STPG2: variants seen among roughly 807,000 people sequenced by gnomAD.
The protein encoded by STPG2 is sperm tail PG-rich repeat containing 2.
A neutral mutation model predicts 54.2 loss-of-function variants in STPG2; 56 were observed. That is an observed-to-expected ratio of 1.03 (90% CI 0.83 to 1.29). The LOEUF (loss-of-function observed/expected upper bound fraction) is 1.29. STPG2 is among the 50% of genes most tolerant of loss of function. STPG2 has a pLI of 0.00. For missense variants in STPG2, 596 were observed against 544.9 expected (o/e 1.09, Z -0.93); for synonymous variants, 200 against 181.8 (o/e 1.10, Z -0.81).
At chr4:97,722,949 C>T (rs1305723375) in intron 9 of STPG2, among the ~76,000 whole-genome samples, 1 of 150,118 alleles carries the variant, frequency 6.7e-6, no homozygotes, top group Non-Finnish European at 1.5e-5. Flanking sequence ...AGGTGCCCAC[C>T]ACCACACCCG....
At chr4:97,958,949 T>G (rs1385453838) in intron 7 of STPG2, among the ~76,000 whole-genome samples, 1 of 152,178 alleles carries the variant, frequency 6.6e-6, no homozygotes, top group Non-Finnish European at 1.5e-5. Flanking sequence ...TGCAATGTTC[T>G]CCAAGATAGA....
chr4:97,517,524 C>A (rs1578357313), intron 4 of STPG2, among the ~76,000 whole-genome samples: 2 of 151,996 alleles, frequency 1.3e-5, no homozygotes, highest in East Asian at 3.9e-4. Flanking sequence ...GAGAATAATA[C>A]CAGTACGTTT....
chr4:97,682,936 CTA>C (rs1723076871), intron 10 of STPG2, among the ~76,000 whole-genome samples: 1 of 151,778 alleles, frequency 6.6e-6, no homozygotes, highest in South Asian at 2.1e-4. Flanking sequence ...AAACTGGAGA[CTA>C]TATGATTCAC....
intron 10 of STPG2, among the ~76,000 whole-genome samples, chr4:97,703,258 A>G (rs1282330098): frequency 2.0e-5 from 3 of 151,626 alleles, no homozygotes; most frequent in African/African-American, 7.3e-5. Flanking sequence ...GGATCTAATC[A>G]TATTAAGCAG....
intron 4 of STPG2, among the ~76,000 whole-genome samples, chr4:97,448,427 A>G (rs1729281976): frequency 6.6e-6 from 1 of 152,094 alleles, no homozygotes; most frequent in Non-Finnish European, 1.5e-5. Context: ...TAATCCCCAC[A>G]TGTCAAAGGA....
At chr4:97,920,219 A>C (rs532302886) in intron 8 of STPG2, among the ~76,000 whole-genome samples, 1 of 152,216 alleles carries the variant, frequency 6.6e-6, no homozygotes, top group African/African-American at 2.4e-5. Flanking sequence ...TCCAGAACTC[A>C]TAAGTCCAGC....
At chr4:97,738,174 T>C (rs36147305) in intron 9 of STPG2, among the ~76,000 whole-genome samples, 4 of 151,960 alleles carry the variant, frequency 2.6e-5, no homozygotes, top group East Asian at 3.9e-4. Flanking sequence ...GAGATTTTGT[T>C]ACCACCAGGC....
At chr4:97,565,781 C>T (rs563372734) in intron 10 of STPG2, among the ~76,000 whole-genome samples, 171 of 152,248 alleles carry the variant, frequency 1.1e-3, no homozygotes, top group Admixed American at 3.5e-3. Context: ...GCTGTCTGAT[C>T]GTTCCTCTGG....
intron 10 of STPG2, among the ~76,000 whole-genome samples, chr4:97,637,008 C>G (rs1285240469): frequency 6.6e-6 from 1 of 152,174 alleles, no homozygotes; most frequent in Non-Finnish European, 1.5e-5. Context: ...CAGCATCATC[C>G]TGATACCAAA....
At chr4:97,716,672 G>A (rs907181193) in intron 9 of STPG2, among the ~76,000 whole-genome samples, 19 of 151,348 alleles carry the variant, frequency 1.3e-4, no homozygotes, top group Non-Finnish European at 2.5e-4. Context: ...ACACAGGGAG[G>A]GGAACATCAC....
chr4:97,786,675 G>A (rs1332693018), intron 9 of STPG2, among the ~76,000 whole-genome samples: 2 of 152,016 alleles, frequency 1.3e-5, no homozygotes, highest in Middle Eastern at 3.2e-3. Flanking sequence ...TTCCAGGGTA[G>A]GTGAATCATC....
chr4:97,790,193 G>A (rs773077597), intron 9 of STPG2, among the ~76,000 whole-genome samples: 10 of 152,122 alleles, frequency 6.6e-5, no homozygotes, highest in Non-Finnish European at 1.5e-4. Context: ...CACATCTGGA[G>A]CAAAGTGCTC....
At chr4:97,911,495 G>C (rs1213254460) in intron 8 of STPG2, among the ~76,000 whole-genome samples, 1 of 152,128 alleles carries the variant, frequency 6.6e-6, no homozygotes, top group African/African-American at 2.4e-5. Context: ...AGCCATCCTG[G>C]CCTGCAGCTC....
chr4:97,994,185 A>G (rs1283427297), intron 5 of STPG2, among the ~76,000 whole-genome samples: 1 of 152,112 alleles, frequency 6.6e-6, no homozygotes, highest in Non-Finnish European at 1.5e-5. Flanking sequence ...CATTCAGTTC[A>G]AAGAATTTTT....
chr4:98,012,323 A>G (rs1735784153), intron 5 of STPG2, among the ~76,000 whole-genome samples: 1 of 152,158 alleles, frequency 6.6e-6, no homozygotes, highest in South Asian at 2.1e-4. Flanking sequence ...CTGTTTTGGT[A>G]CCAGTACCAT....
Position 97,742,395 on chromosome 4 carries a change from A to G in STPG2, c.1205-29581T>C, listed in dbSNP as rs1193167148. On this transcript the variant is annotated intron_variant, in intron 9 of 10. Coordinates refer to ENST00000295268, the MANE Select transcript of STPG2 (RefSeq NM_174952.3). The stretch of plus-strand genomic sequence containing the variant: ...TAAAATAAAATAAAATAATAATAAT[A>G]AAAAGAAAATAAAATCAGTACTTCT... Among the ~76,000 whole-genome samples, 6 of 150,980 alleles carry G rather than the reference A, an allele frequency of 4.0e-5. 1 individual carries two copies.
chr4:98,098,300 A>G (rs1253464652), intron 5 of STPG2, among the ~76,000 whole-genome samples: 1 of 152,012 alleles, frequency 6.6e-6, no homozygotes, highest in Non-Finnish European at 1.5e-5. Flanking sequence ...AGAATAGAGA[A>G]CCCGGAAAAA....
intron 4 of STPG2, among the ~76,000 whole-genome samples, chr4:97,512,337 C>T (rs116824453): frequency 6.8e-4 from 104 of 152,210 alleles, no homozygotes; most frequent in Non-Finnish European, 1.3e-3. Context: ...AGGCAATGAG[C>T]AAATGAGAGG....
intron 9 of STPG2, among the ~76,000 whole-genome samples, chr4:97,757,279 A>T (rs562446680): frequency 1.3e-5 from 2 of 152,090 alleles, no homozygotes; most frequent in East Asian, 3.9e-4. Flanking sequence ...TGCCTCCCAG[A>T]CCTTCCCCCC....
Sources: gnomAD v4.1 joint callset for allele counts (sites outside exome capture counted in the v4.1 genomes callset) on GRCh38, gnomAD v4.1.1 for gene constraint, MANE v1.5 for transcripts, NCBI Gene and HGNC (gene_info 2026-07-23, HGNC 2026-07-21) for gene names.